SMAD3: variants seen among roughly 807,000 people sequenced by gnomAD.
SMAD3 encodes MAD homolog 3.
A neutral mutation model predicts 51.8 loss-of-function variants in SMAD3; 12 were observed. That is an observed-to-expected ratio of 0.23 (90% CI 0.15 to 0.38). The LOEUF is 0.38. Among genes scored for constraint, SMAD3 ranks in the 10% least tolerant of loss-of-function variants. SMAD3 has a pLI of 1.00. For missense variants in SMAD3, 294 were observed against 565.6 expected (o/e 0.52, Z 4.87); for synonymous variants, 238 against 227.7 (o/e 1.05, Z -0.41).
chr15:67,145,070 G>A (rs375006356), intron 1 of SMAD3, among the ~76,000 whole-genome samples: 2 of 152,124 alleles, frequency 1.3e-5, no homozygotes, highest in Admixed American at 6.5e-5. Context: ...AGTTGGAAAT[G>A]TACCCTCTTT....
intron 1 of SMAD3, among the ~76,000 whole-genome samples, chr15:67,139,948 G>A (rs571955961): frequency 2.8e-5 from 3 of 107,666 alleles, no homozygotes; most frequent in East Asian, 5.6e-4. Context: ...ACGAAACCCC[G>A]TCTCTACTAA....
chr15:67,128,414 C>T (rs1545159), intron 1 of SMAD3, among the ~76,000 whole-genome samples: 147,942 of 152,234 alleles, frequency 0.97, 72,014 homozygotes, highest in East Asian at 1. Flanking sequence ...TTTGCCTCAG[C>T]TTCCTTATCT....
intron 1 of SMAD3, among the ~76,000 whole-genome samples, chr15:67,067,667 T>A (rs1959957720): frequency 6.6e-6 from 1 of 152,160 alleles, no homozygotes; most frequent in Non-Finnish European, 1.5e-5. Flanking sequence ...AGGCCTCCCC[T>A]GGAAATAAAT....
At chr15:67,171,971 C>T (rs181395371) in intron 5 of SMAD3, among the ~76,000 whole-genome samples, 3 of 152,312 alleles carry the variant, frequency 2.0e-5, no homozygotes, top group Admixed American at 6.5e-5. Flanking sequence ...TAAAAACCCT[C>T]CTGGGGCCAA....
chr15:67,118,372 T>C (rs1961182798), intron 1 of SMAD3, among the ~76,000 whole-genome samples: 1 of 152,258 alleles, frequency 6.6e-6, no homozygotes. Context: ...AGATCTCATG[T>C]ATTTTCTGCT....
At chr15:67,075,027 C>A (rs1498505) in intron 1 of SMAD3, among the ~76,000 whole-genome samples, 2 of 149,956 alleles carry the variant, frequency 1.3e-5, no homozygotes, top group Non-Finnish European at 3.0e-5. Context: ...TTTTTTTTTT[C>A]TTTTCAACTG....
chr15:67,128,591 A>C (rs1257685206), intron 1 of SMAD3, among the ~76,000 whole-genome samples: 1 of 151,988 alleles, frequency 6.6e-6, no homozygotes, highest in African/African-American at 2.4e-5. Flanking sequence ...TTTTTCAAAG[A>C]GCTGGGGTCT....
In SMAD3 at chr15:67,138,047, G is replaced by A. The variant is rs576157357; in HGVS notation, c.207-26848G>A. ...CAAACATGTCTTGCCTGCACCCTAG[G>A]CAAACGTGGAAAGGCGCAGCTCTGG... is the stretch of plus-strand genomic sequence containing the variant. On this transcript the variant is annotated intron_variant, in intron 1 of 8. Transcript: ENST00000327367. The A allele has an allele frequency of 1.9e-6, 3 of 1,551,782 alleles. No homozygotes were observed. The South Asian group carries it at 3.6e-5, about 18-fold the overall frequency.
At chr15:67,070,709 G>A (rs1192491364) in intron 1 of SMAD3, among the ~76,000 whole-genome samples, 1 of 150,860 alleles carries the variant, frequency 6.6e-6, no homozygotes, top group African/African-American at 2.4e-5. Context: ...GCGTTGATGT[G>A]CCTTTTAAAT....
At chr15:67,168,390 C>G (rs1414926210) in intron 4 of SMAD3, among the ~76,000 whole-genome samples, 2 of 152,250 alleles carry the variant, frequency 1.3e-5, no homozygotes, top group South Asian at 2.1e-4. Flanking sequence ...CGCGAACCAG[C>G]TGGAATGCAT....
rs528550824 is a variant in SMAD3, at chr15:67,066,466, G to A, written c.206+106G>A. 6 of 927,240 alleles carry A rather than the reference G, an allele frequency of 6.5e-6. No individual in the cohort carries two copies. In the African/African-American group the frequency reaches 8.2e-5, roughly 13 times the overall value. The allele number at this position is 927,240 out of a possible 1,614,324, so 57.4% of individuals were successfully genotyped here. A position where few individuals can be genotyped will look rare whatever the true frequency, so the allele number is the denominator to read the frequency against. ...GATGGGAAGAGGGAGAGAGAGGGAGGGAGTGAGACTGTGTGGGTGCGTGTG... is the reference window on the plus strand; with the variant it reads ...GATGGGAAGAGGGAGAGAGAGGGAGAGAGTGAGACTGTGTGGGTGCGTGTG... On this transcript the variant is annotated intron_variant, in intron 1 of 8. Coordinates refer to ENST00000327367, the MANE Select transcript of SMAD3 (RefSeq NM_005902.4).
chr15:67,133,414 T>A (rs967226831), intron 1 of SMAD3, among the ~76,000 whole-genome samples: 2 of 151,896 alleles, frequency 1.3e-5, no homozygotes, highest in African/African-American at 4.8e-5. Context: ...AAAACTTAAT[T>A]GGGATTTTAA....
intron 1 of SMAD3, among the ~76,000 whole-genome samples, chr15:67,121,195 C>T (rs938132595): frequency 6.6e-6 from 1 of 152,260 alleles, no homozygotes; most frequent in East Asian, 1.9e-4. Context: ...TGCTGGCCAG[C>T]CCCGCTGAGT....
intron 5 of SMAD3, among the ~76,000 whole-genome samples, chr15:67,175,320 G>A (rs1962860860): frequency 6.6e-6 from 1 of 152,198 alleles, no homozygotes; most frequent in African/African-American, 2.4e-5. Flanking sequence ...AGGAGTGAGA[G>A]GCAGGGATGG....
chr15:67,181,485 C>T lies in SMAD3; in HGVS notation c.871+32C>T, dbSNP rs756620401. The T allele has an allele frequency of 1.3e-5, 19 of 1,485,450 alleles. No homozygotes were observed. In the East Asian group the frequency reaches 4.0e-4, roughly 31 times the overall value. The allele number at this position is 1,485,450 out of a possible 1,614,324, so 92.0% of individuals were successfully genotyped here. ...GGTGGCTCCATTCCCCGCCCCCCCA[C>T]CCTGCCCCTGCCACTCTATCCCACC... On this transcript the variant is annotated intron_variant, in intron 6 of 8. Transcript: ENST00000327367.
chr15:67,187,796 C>T (rs559696049), intron 8 of SMAD3, among the ~76,000 whole-genome samples: 4 of 152,300 alleles, frequency 2.6e-5, no homozygotes, highest in African/African-American at 4.8e-5. Context: ...CAGCATCATC[C>T]GTACAGATGA....
chr15:67,077,728 A>C (rs1960201454), intron 1 of SMAD3, among the ~76,000 whole-genome samples: 2 of 152,312 alleles, frequency 1.3e-5, no homozygotes, highest in Non-Finnish European at 2.9e-5. Context: ...ATAGGAGTGT[A>C]GGAGTGGAGT....
intron 1 of SMAD3, among the ~76,000 whole-genome samples, chr15:67,076,383 C>T (rs1960170329): frequency 1.3e-5 from 2 of 152,196 alleles, no homozygotes; most frequent in South Asian, 4.2e-4. Flanking sequence ...CGCAGTGACT[C>T]ACGCGCCTGT....
intron 1 of SMAD3, chr15:67,128,052 C>T (rs1028439635): frequency 4.6e-5 from 7 of 152,218 alleles, no homozygotes; most frequent in Non-Finnish European, 1.5e-5. Flanking sequence ...AAATAGAATC[C>T]ACCTTCCCTA....
Sources: allele counts gnomAD v4.1 joint callset (sites outside exome capture counted in the v4.1 genomes callset), GRCh38; gene constraint gnomAD v4.1.1; transcripts MANE v1.5; gene names NCBI Gene and HGNC (gene_info 2026-07-23, HGNC 2026-07-21).